SPAG17: variants seen among roughly 807,000 people sequenced by gnomAD.
SPAG17 encodes the protein sperm-associated antigen 17.
A neutral mutation model predicts 273.6 loss-of-function variants in SPAG17; 169 were observed. That is an observed-to-expected ratio of 0.62 (90% CI 0.55 to 0.70). The LOEUF is 0.70. SPAG17 is among the 30% of genes least tolerant of loss of function. The probability of loss-of-function intolerance (pLI) is 0.00; values close to 1 mark genes in which losing one functional copy is unlikely to be tolerated. For missense variants in SPAG17, 2,557 were observed against 2,627.8 expected, an observed-to-expected ratio of 0.97 and a Z score of 0.59; for synonymous variants, 825 against 873.2, an observed-to-expected ratio of 0.94 and a Z score of 0.97.
At chr1:118,004,242 G>A (rs547627204) in intron 32 of SPAG17, among the ~76,000 whole-genome samples, 6 of 152,158 alleles carry the variant, frequency 3.9e-5, no homozygotes, top group African/African-American at 1.4e-4. Flanking sequence ...CTACTGGGAG[G>A]TGTCTCCCAG....
intron 20 of SPAG17, among the ~76,000 whole-genome samples, chr1:118,044,102 T>C (rs1353195649): frequency 6.6e-6 from 1 of 152,218 alleles, no homozygotes; most frequent in Non-Finnish European, 1.5e-5. Flanking sequence ...TTGTACTATA[T>C]ATACTGTGTG....
At chr1:117,961,400 G>A (rs1245526299) in intron 48 of SPAG17, 2 of 152,144 alleles carry the variant, frequency 1.3e-5, no homozygotes, top group African/African-American at 4.8e-5. Flanking sequence ...AATGTTCTAG[G>A]AAAAGATATT....
intron 43 of SPAG17, among the ~76,000 whole-genome samples, chr1:117,977,839 C>A (rs536372050): frequency 3.4e-4 from 52 of 152,228 alleles, no homozygotes; most frequent in African/African-American, 1.3e-3. Flanking sequence ...TGACCACTCT[C>A]GATCATTCCT....
intron 31 of SPAG17, among the ~76,000 whole-genome samples, chr1:118,007,389 A>G (rs1659005107): frequency 6.6e-6 from 1 of 152,132 alleles, no homozygotes; most frequent in Non-Finnish European, 1.5e-5. Flanking sequence ...CATTGTTTGC[A>G]ATATTTTTGC....
At chr1:118,035,241 A>G (rs1056729937) in intron 24 of SPAG17, among the ~76,000 whole-genome samples, 1 of 152,252 alleles carries the variant, frequency 6.6e-6, no homozygotes, top group African/African-American at 2.4e-5. Context: ...TTCAAATGCC[A>G]TATTCATAAC....
chr1:118,025,142 G>T, intron 27 of SPAG17, 96 bp downstream of exon 27: 2 of 1,024,994 alleles, frequency 2.0e-6, no homozygotes, highest in Non-Finnish European at 2.8e-6. Flanking sequence ...TTTCTAGTGA[G>T]TTGTTCCTTT....
chr1:118,107,898 A>G (rs1433756050), intron 4 of SPAG17, among the ~76,000 whole-genome samples: 1 of 152,098 alleles, frequency 6.6e-6, no homozygotes, highest in Non-Finnish European at 1.5e-5. Flanking sequence ...GGTGTCCTGC[A>G]TTTTTCCATT....
chr1:118,057,946 T>C (rs890128653), intron 18 of SPAG17, among the ~76,000 whole-genome samples: 16 of 151,752 alleles, frequency 1.1e-4, no homozygotes, highest in African/African-American at 3.6e-4. Flanking sequence ...TAGCAGAATA[T>C]GAATAGAATG....
intron 27 of SPAG17, among the ~76,000 whole-genome samples, chr1:118,024,160 A>AT (rs1261663967): frequency 2.0e-5 from 3 of 151,782 alleles, no homozygotes; most frequent in African/African-American, 4.8e-5. Context: ...AATCTGAAGT[A>AT]TTTTTTTTAA....
intron 1 of SPAG17, among the ~76,000 whole-genome samples, chr1:118,152,485 T>G (rs1207542059): frequency 6.6e-6 from 1 of 152,194 alleles, no homozygotes; most frequent in Non-Finnish European, 1.5e-5. Context: ...ACTTTAGTAT[T>G]AATTCTTTCT....
chr1:118,102,838 C>T (rs1046686041), intron 4 of SPAG17, among the ~76,000 whole-genome samples: 34 of 152,116 alleles, frequency 2.2e-4, no homozygotes, highest in Non-Finnish European at 4.4e-4. Flanking sequence ...CAGAATGTAA[C>T]GCAGAAGGGG....
intron 1 of SPAG17, among the ~76,000 whole-genome samples, chr1:118,172,354 G>C (rs1224938357): frequency 1.3e-5 from 2 of 152,116 alleles, no homozygotes; most frequent in African/African-American, 2.4e-5. Flanking sequence ...ATGAATACTG[G>C]AGTAGTGGGT....
In SPAG17 at chr1:118,158,872, C is replaced by T. The variant is rs140663386; in HGVS notation, c.88-7503G>A. ...ACTCCTGGACTAACTCAAAGTGATGCCCTGCTAATGGCGGTATTTAAGGCT... is the reference window on the plus strand; with the variant it reads ...ACTCCTGGACTAACTCAAAGTGATGTCCTGCTAATGGCGGTATTTAAGGCT... On this transcript the variant is annotated intron_variant, in intron 1 of 48. Transcript: ENST00000336338. Among the ~76,000 whole-genome samples the T allele has an allele frequency of 1.3e-3, 191 of 152,346 alleles. 1 individual carries two copies. Among genetic ancestry groups the T allele is most frequent in the African/African-American group, 4.4e-3 (185 of 41,580 alleles).
intron 42 of SPAG17, among the ~76,000 whole-genome samples, chr1:117,982,686 CA>C (rs933429918): frequency 7.2e-5 from 11 of 152,188 alleles, no homozygotes; most frequent in African/African-American, 2.7e-4. Flanking sequence ...AAGAAATTAA[CA>C]GTAATTTAAC....
chr1:118,091,552 A>T (rs1327490031), intron 10 of SPAG17, 54 bp downstream of exon 10: 19 of 937,980 alleles, frequency 2.0e-5, no homozygotes, highest in Non-Finnish European at 2.9e-5. Flanking sequence ...AACAGAAGCC[A>T]GGAAAGATGA....
chr1:118,171,083 G>C (rs570855799), intron 1 of SPAG17, among the ~76,000 whole-genome samples: 2 of 152,270 alleles, frequency 1.3e-5, no homozygotes, highest in East Asian at 3.9e-4. Context: ...AATGATGTGA[G>C]TCTAGGCTAT....
At chr1:118,072,998 C>T (rs1481321883) in intron 17 of SPAG17, among the ~76,000 whole-genome samples, 1 of 150,448 alleles carries the variant, frequency 6.6e-6, no homozygotes, top group Non-Finnish European at 1.5e-5. Flanking sequence ...CTGAGAACTG[C>T]GGCTTGGTGG....
intron 1 of SPAG17, among the ~76,000 whole-genome samples, chr1:118,158,604 G>A (rs1000006082): frequency 2.0e-5 from 3 of 152,110 alleles, no homozygotes; most frequent in Non-Finnish European, 4.4e-5. Flanking sequence ...ATTTTTGATA[G>A]GGAGCCTTAG....
chr1:117,975,851 G>C (rs919705321), intron 43 of SPAG17, among the ~76,000 whole-genome samples: 1 of 152,144 alleles, frequency 6.6e-6, no homozygotes, highest in Non-Finnish European at 1.5e-5. Flanking sequence ...GGCTTTGTGT[G>C]TATGCATGTA....
Sources: allele counts gnomAD v4.1 joint callset (sites outside exome capture counted in the v4.1 genomes callset), GRCh38; gene constraint gnomAD v4.1.1; transcripts MANE v1.5; gene names NCBI Gene and HGNC (gene_info 2026-07-23, HGNC 2026-07-21).